DPH6: variants seen among roughly 807,000 people sequenced by gnomAD.
DPH6 encodes diphthine--ammonia ligase.
DPH6 carries 33 observed loss-of-function variants against 38.2 expected under a neutral mutation model. The ratio of observed to expected loss-of-function variants is 0.86; its 90% CI spans 0.65 to 1.15. The LOEUF is 1.15. DPH6 is among the 50% of genes most tolerant of loss of function. The pLI is 0.00. For missense variants in DPH6, 325 were observed against 320.0 expected, an observed-to-expected ratio of 1.02 and a Z score of -0.12; for synonymous variants, 108 against 103.0, an observed-to-expected ratio of 1.05 and a Z score of -0.30.
At chr15:35,212,254 G>A in the DPH6 span, among the ~76,000 whole-genome samples, 1 of 151,888 alleles carries the variant, frequency 6.6e-6, no homozygotes, top group Non-Finnish European at 1.5e-5. Context: ...TTACTTTCTT[G>A]TTAACCTTTT....
At chr15:35,228,382 T>C (rs992288549) in intron 3 of DPH6, among the ~76,000 whole-genome samples, 3 of 152,232 alleles carry the variant, frequency 2.0e-5, no homozygotes, top group Non-Finnish European at 4.4e-5. Context: ...TACAGTGTTA[T>C]AATATTCTGT....
intron 5 of DPH6, among the ~76,000 whole-genome samples, chr15:35,439,687 C>T (rs1477044097): frequency 6.6e-6 from 1 of 151,932 alleles, no homozygotes; most frequent in Non-Finnish European, 1.5e-5. Context: ...CTAACAGGTC[C>T]AGGAGCCCAT....
chr15:35,329,849 C>T (rs1042372939), downstream of DPH6, among the ~76,000 whole-genome samples: 1 of 152,098 alleles, frequency 6.6e-6, no homozygotes, highest in Non-Finnish European at 1.5e-5. Flanking sequence ...ACAGCTAAAA[C>T]AGTAAATACA....
At chr15:35,463,526 A>C (rs1284305322) in intron 3 of DPH6, among the ~76,000 whole-genome samples, 1 of 152,198 alleles carries the variant, frequency 6.6e-6, no homozygotes, top group Non-Finnish European at 1.5e-5. Context: ...ATATTTTCAA[A>C]GGACATGAAA....
rs1351593751 is a variant in DPH6, at chr15:35,371,060, A to G, written c.*1090T>C. On this transcript the variant is annotated 3_prime_UTR_variant, in exon 9 of 9. Transcript: ENST00000256538. ...AAGATACAGAGAAACCTAAATGCAT[A>G]TTAATACATGAAAGAAGCCAATCTG... 1 of 151,718 alleles carries G rather than the reference A, an allele frequency of 6.6e-6. No homozygotes were observed. Among genetic ancestry groups the G allele is most frequent in the Non-Finnish European group, 1.5e-5 (1 of 67,738 alleles). The allele number at this position is 151,718 out of a possible 1,614,324, so 9.4% of individuals were successfully genotyped here.
chr15:35,470,330 A>G (rs1036466119), intron 3 of DPH6, among the ~76,000 whole-genome samples: 3 of 152,200 alleles, frequency 2.0e-5, no homozygotes, highest in Admixed American at 6.5e-5. Flanking sequence ...CGCAGAGTCT[A>G]TAGTGCCAAG....
At chr15:35,403,537 G>T (rs557619404) in intron 6 of DPH6, among the ~76,000 whole-genome samples, 90 of 152,056 alleles carry the variant, frequency 5.9e-4, no homozygotes, top group African/African-American at 2.1e-3. Context: ...TTGAGACAGG[G>T]TCTTACTCTG....
chr15:35,434,791 G>A (rs1326886123), intron 5 of DPH6, among the ~76,000 whole-genome samples: 2 of 151,980 alleles, frequency 1.3e-5, no homozygotes, highest in East Asian at 3.9e-4. Flanking sequence ...TTTTCTTTTT[G>A]AGACAGAGTC....
chr15:35,441,945 T>C (rs943484210), intron 5 of DPH6, among the ~76,000 whole-genome samples: 2 of 151,956 alleles, frequency 1.3e-5, no homozygotes, highest in Non-Finnish European at 2.9e-5. Flanking sequence ...GAAGAAAACA[T>C]AGGAGTAAAT....
At chr15:35,507,657 T>C (rs1365365482) in intron 3 of DPH6, among the ~76,000 whole-genome samples, 1 of 152,116 alleles carries the variant, frequency 6.6e-6, no homozygotes, top group African/African-American at 2.4e-5. Context: ...CTAAATTAAT[T>C]TGCTACTATT....
intron 3 of DPH6, among the ~76,000 whole-genome samples, chr15:35,457,852 C>T (rs752682093): frequency 2.5e-4 from 38 of 152,126 alleles, no homozygotes; most frequent in Non-Finnish European, 5.1e-4. Flanking sequence ...ATTCCTATTA[C>T]TTCTATAACT....
intron 3 of DPH6, among the ~76,000 whole-genome samples, chr15:35,248,512 A>G (rs1029165523): frequency 3.3e-5 from 5 of 152,162 alleles, no homozygotes; most frequent in Non-Finnish European, 7.3e-5. Flanking sequence ...GTCTATTACT[A>G]TTAGATCGTA....
At chr15:35,484,692 G>C in intron 3 of DPH6, among the ~76,000 whole-genome samples, 1 of 152,126 alleles carries the variant, frequency 6.6e-6, no homozygotes, top group South Asian at 2.1e-4. Context: ...TCTCAGAGTG[G>C]AATTTCATCA....
rs1215445175 is a variant in DPH6, at chr15:35,381,304, GAAAT to G, written c.662+514_662+517del. On this transcript the variant is annotated intron_variant, in intron 7 of 8. Transcript: ENST00000256538. ...ACTAATTTTAACAATTTATGGCAAAGAAATCACACTACTCACCATCAACTAAATT... is the reference window on the plus strand; with the variant it reads ...ACTAATTTTAACAATTTATGGCAAAGCACACTACTCACCATCAACTAAATT... 3.3e-5 allele frequency among the ~76,000 whole-genome samples: 5 copies of G among 152,228 alleles called. No individual in the cohort carries two copies. In the East Asian group the frequency reaches 7.7e-4, roughly 23 times the overall value.
intron 3 of DPH6, among the ~76,000 whole-genome samples, chr15:35,308,700 A>G (rs1383636720): frequency 6.6e-6 from 1 of 152,220 alleles, no homozygotes; most frequent in Non-Finnish European, 1.5e-5. Flanking sequence ...TTAAGGAGAC[A>G]TATGTAAAAA....
intron 5 of DPH6, among the ~76,000 whole-genome samples, chr15:35,433,478 G>C (rs563680951): frequency 1.4e-4 from 21 of 152,080 alleles, no homozygotes; most frequent in African/African-American, 5.1e-4. Flanking sequence ...TAAAAATCCC[G>C]TTGAGTCTCT....
intron 3 of DPH6, among the ~76,000 whole-genome samples, chr15:35,288,790 A>G (rs75769497): frequency 0.026 from 3,923 of 152,262 alleles, 76 homozygotes; most frequent in Non-Finnish European, 0.041. Flanking sequence ...GCTGAAGGGC[A>G]TACTGTCTGA....
chr15:35,306,195 G>T (rs983805143), intron 3 of DPH6, among the ~76,000 whole-genome samples: 1 of 152,064 alleles, frequency 6.6e-6, no homozygotes, highest in African/African-American at 2.4e-5. Flanking sequence ...CTAACTTCAT[G>T]CATGTTTTTC....
intron 6 of DPH6, among the ~76,000 whole-genome samples, chr15:35,382,546 T>C (rs772201755): frequency 2.0e-5 from 3 of 152,060 alleles, no homozygotes; most frequent in Non-Finnish European, 4.4e-5. Context: ...CACAATGTAA[T>C]AAACAAAAAT....
Sources: gnomAD v4.1 joint callset for allele counts (sites outside exome capture counted in the v4.1 genomes callset) on GRCh38, gnomAD v4.1.1 for gene constraint, MANE v1.5 for transcripts, NCBI Gene and HGNC (gene_info 2026-07-23, HGNC 2026-07-21) for gene names.